CTNNBL1: variants seen among roughly 807,000 people sequenced by gnomAD.
CTNNBL1 encodes the protein catenin beta like 1, also known as beta-catenin-like protein 1.
A neutral mutation model predicts 72.7 loss-of-function variants in CTNNBL1; 31 were observed. The ratio of observed to expected loss-of-function variants is 0.43; its 90% confidence interval spans 0.32 to 0.58. CTNNBL1 has a LOEUF of 0.58. Among genes scored for constraint, CTNNBL1 ranks in the 20% least tolerant of loss-of-function variants. CTNNBL1 has a pLI of 0.08. For synonymous variants in CTNNBL1, 240 were observed against 267.3 expected (o/e 0.90, Z 1.00); for missense variants, 534 against 725.1 (o/e 0.74, Z 3.03).
intron 10 of CTNNBL1, among the ~76,000 whole-genome samples, chr20:37,783,195 GC>G (rs2073641394): frequency 6.6e-6 from 1 of 152,188 alleles, no homozygotes; most frequent in South Asian, 2.1e-4. Context: ...ACATGTGTGA[GC>G]CATTGCACCT....
intron 10 of CTNNBL1, among the ~76,000 whole-genome samples, chr20:37,795,811 C>G (rs185078199): frequency 1.3e-5 from 2 of 150,492 alleles, no homozygotes; most frequent in Admixed American, 1.3e-4. Context: ...GATTTTTTTT[C>G]TCCTCTCTGT....
chr20:37,768,155 A>G lies in CTNNBL1; in HGVS notation c.750+111A>G. 6 of 840,266 alleles carry G rather than the reference A, an allele frequency of 7.1e-6. No individual in the cohort carries two copies. In the South Asian group the frequency reaches 1.1e-4, roughly 15 times the overall value. 52.1% of individuals were successfully genotyped at this position (840,266 alleles called of 1,614,324 possible). On this transcript the variant is annotated intron_variant, in intron 7 of 15. Coordinates refer to ENST00000361383, the MANE Select transcript of CTNNBL1 (RefSeq NM_030877.5). The stretch of plus-strand genomic sequence containing the variant: ...GCTGGGCCATATGATCTAGTTTGGG[A>G]AGCTTCTGGTACCTCTTGCTTCTTT...
At chr20:37,706,599 T>G (rs995692756) in intron 1 of CTNNBL1, among the ~76,000 whole-genome samples, 1 of 152,226 alleles carries the variant, frequency 6.6e-6, no homozygotes, top group Non-Finnish European at 1.5e-5. Flanking sequence ...TTCCACCACA[T>G]CTGCAGTTAG....
chr20:37,794,362 G>A (rs910807921), intron 10 of CTNNBL1, among the ~76,000 whole-genome samples: 1 of 152,028 alleles, frequency 6.6e-6, no homozygotes, highest in African/African-American at 2.4e-5. Flanking sequence ...TGTCACCCAG[G>A]CTGGAGTGCA....
At chr20:37,807,990 G>T (rs775255913) in intron 11 of CTNNBL1, among the ~76,000 whole-genome samples, 1 of 152,104 alleles carries the variant, frequency 6.6e-6, no homozygotes, top group Non-Finnish European at 1.5e-5. Context: ...TCCTCGTATT[G>T]CTTCATTAGG....
intron 1 of CTNNBL1, among the ~76,000 whole-genome samples, chr20:37,720,384 C>T (rs188607787): frequency 7.2e-4 from 109 of 152,260 alleles, no homozygotes; most frequent in Admixed American, 1.5e-3. Context: ...GTCTTGAACT[C>T]CTAGGCTATT....
At chr20:37,865,679 A>G (rs1019577275) in intron 15 of CTNNBL1, among the ~76,000 whole-genome samples, 12 of 152,150 alleles carry the variant, frequency 7.9e-5, no homozygotes, top group African/African-American at 2.9e-4. Flanking sequence ...TATTTGTGCC[A>G]AGGGTTGCAG....
chr20:37,864,605 C>T (rs2072521471), intron 15 of CTNNBL1, among the ~76,000 whole-genome samples: 1 of 152,210 alleles, frequency 6.6e-6, no homozygotes, highest in African/African-American at 2.4e-5. Context: ...CAGCCTTCCC[C>T]AGAACCAGCA....
chr20:37,834,739 G>A (rs765437512), intron 11 of CTNNBL1, among the ~76,000 whole-genome samples: 3 of 152,116 alleles, frequency 2.0e-5, no homozygotes, highest in Admixed American at 1.3e-4. Context: ...CCTTAAGTCC[G>A]TTAATCTCAC....
chr20:37,817,294 A>G (rs994346723), intron 11 of CTNNBL1, among the ~76,000 whole-genome samples: 68 of 152,212 alleles, frequency 4.5e-4, no homozygotes, highest in African/African-American at 1.5e-3. Flanking sequence ...AAAGATTTTT[A>G]ATTCTGACAT....
At chr20:37,855,273 C>G (rs2072429963) in intron 13 of CTNNBL1, among the ~76,000 whole-genome samples, 1 of 151,968 alleles carries the variant, frequency 6.6e-6, no homozygotes, top group African/African-American at 2.4e-5. Context: ...CTTCAAAATC[C>G]AGCTCAGATG....
At chr20:37,780,527 T>C (rs2073617032) in intron 10 of CTNNBL1, among the ~76,000 whole-genome samples, 1 of 152,178 alleles carries the variant, frequency 6.6e-6, no homozygotes, top group South Asian at 2.1e-4. Flanking sequence ...TATTGCTACA[T>C]TTCAGACATA....
chr20:37,744,395 G>A (rs1165240488), intron 3 of CTNNBL1, among the ~76,000 whole-genome samples: 2 of 152,182 alleles, frequency 1.3e-5, no homozygotes, highest in Non-Finnish European at 2.9e-5. Flanking sequence ...AATTAGGAAT[G>A]CATACATCTT....
Position 37,732,903 on chromosome 20 carries a change from C to G in CTNNBL1, c.55C>G (p.Arg19Gly). ...YQPNRGTKRP[R>G]DDEEEEQKMR... ...GCCCAATAGGGGCACAAAACGTCCC[C>G]GGGATGATGAAGAGGAGGAGCAGAA... The change falls in exon 2 of 16, where the codon CGG becomes GGG. Residue 19 changes from arginine to glycine, a missense_variant. Physicochemically the swap from Arg to Gly is moderately radical, Grantham distance 125. Coordinates refer to ENST00000361383, the MANE Select transcript of CTNNBL1 (RefSeq NM_030877.5). 1.2e-6 allele frequency: 2 copies of G among 1,613,684 alleles called. No homozygotes were observed. Among genetic ancestry groups the G allele is most frequent in the Non-Finnish European group, 1.7e-6 (2 of 1,179,936 alleles).
At chr20:37,828,340 A>G (rs982551281) in intron 11 of CTNNBL1, among the ~76,000 whole-genome samples, 2 of 152,212 alleles carry the variant, frequency 1.3e-5, no homozygotes, top group African/African-American at 4.8e-5. Context: ...GCTTCACCAC[A>G]TGAAACTATC....
chr20:37,778,011 C>G (rs146851330), intron 9 of CTNNBL1, among the ~76,000 whole-genome samples: 26 of 152,176 alleles, frequency 1.7e-4, no homozygotes, highest in Non-Finnish European at 3.1e-4. Flanking sequence ...CCAAGCATAC[C>G]AAATTATTTT....
chr20:37,850,875 A>T (rs1291130859), intron 13 of CTNNBL1, among the ~76,000 whole-genome samples: 2 of 152,228 alleles, frequency 1.3e-5, no homozygotes, highest in Admixed American at 6.5e-5. Context: ...TGTTGGCTTC[A>T]TAGCAGCCTC....
chr20:37,860,956 T>C (rs1315645439), intron 15 of CTNNBL1, among the ~76,000 whole-genome samples: 1 of 152,222 alleles, frequency 6.6e-6, no homozygotes, highest in African/African-American at 2.4e-5. Context: ...AAACATAGTG[T>C]ACATAGGTTT....
At chr20:37,733,558 T>C (rs988024672) in intron 2 of CTNNBL1, among the ~76,000 whole-genome samples, 1 of 152,170 alleles carries the variant, frequency 6.6e-6, no homozygotes, top group South Asian at 2.1e-4. Flanking sequence ...TCAAGATGCG[T>C]TGGGGCCTTT....
Sources: allele counts gnomAD v4.1 joint callset (sites outside exome capture counted in the v4.1 genomes callset), GRCh38; gene constraint gnomAD v4.1.1; transcripts MANE v1.5; gene names NCBI Gene and HGNC (gene_info 2026-07-23, HGNC 2026-07-21).